HNMT: variants seen among roughly 807,000 people sequenced by gnomAD.
The protein encoded by HNMT is histamine N-methyltransferase.
In HNMT, 30 loss-of-function variants were observed where a neutral mutation model predicts 32.1. The ratio of observed to expected loss-of-function variants is 0.93; its 90% confidence interval spans 0.70 to 1.27. The LOEUF (loss-of-function observed/expected upper bound fraction) is 1.27. HNMT is among the 50% of genes most tolerant of loss of function. The probability of loss-of-function intolerance (pLI) is 0.00; values close to 1 mark genes in which losing one functional copy is unlikely to be tolerated. For synonymous variants in HNMT, 125 were observed against 119.0 expected, an observed-to-expected ratio of 1.05 and a Z score of -0.33; for missense variants, 327 against 346.0, an observed-to-expected ratio of 0.95 and a Z score of 0.43.
chr2:137,996,678 T>C (rs1411007557), intron 2 of HNMT, among the ~76,000 whole-genome samples: 2 of 152,136 alleles, frequency 1.3e-5, no homozygotes, highest in Non-Finnish European at 2.9e-5. Flanking sequence ...TTATTTTAAA[T>C]TTCATATGTA....
intron 5 of HNMT, among the ~76,000 whole-genome samples, chr2:138,012,215 G>A (rs887370580): frequency 6.6e-6 from 1 of 152,084 alleles, no homozygotes; most frequent in African/African-American, 2.4e-5. Context: ...TGTAATGCTT[G>A]TAGTTGCATT....
chr2:137,979,904 A>G (rs1161407606), intron 2 of HNMT, among the ~76,000 whole-genome samples: 1 of 152,182 alleles, frequency 6.6e-6, no homozygotes, highest in African/African-American at 2.4e-5. Context: ...TATACGAGAG[A>G]TGATGGTAAG....
At chr2:137,989,650 C>G (rs1191016849) in intron 2 of HNMT, among the ~76,000 whole-genome samples, 3 of 152,156 alleles carry the variant, frequency 2.0e-5, no homozygotes, top group Admixed American at 1.3e-4. Context: ...TAAGGTTATG[C>G]TTCGTCTTTT....
intron 1 of HNMT, among the ~76,000 whole-genome samples, chr2:137,969,432 A>G (rs571454469): frequency 6.6e-6 from 1 of 152,182 alleles, no homozygotes; most frequent in African/African-American, 2.4e-5. Context: ...TATTTTTTTT[A>G]AAAGCCCTGA....
At chr2:137,976,283 A>C (rs1332324671) in intron 2 of HNMT, among the ~76,000 whole-genome samples, 2 of 148,854 alleles carry the variant, frequency 1.3e-5, no homozygotes, top group Admixed American at 1.3e-4. Flanking sequence ...CAAAAAACAA[A>C]AAAAAAAAAA....
intron 2 of HNMT, 92 bp from the exon 3 acceptor site, chr2:138,000,825 AG>A: frequency 1.6e-6 from 1 of 615,998 alleles, no homozygotes; most frequent in Non-Finnish European, 2.8e-6. Context: ...AGGCTTTCCT[AG>A]TAAAGGTAGG....
At position 137,964,568 on chromosome 2, in the gene HNMT, C is replaced by T. The variant is rs757556522; in HGVS notation, c.77C>T (p.Ser26Phe). 6 of 1,613,548 alleles carry T rather than the reference C, an allele frequency of 3.7e-6. No homozygotes were observed. The Admixed American group carries it at 8.3e-5, about 22-fold the overall frequency. ...TCTTTCCGGAGGTTTCTCAACCATT[C>T]CACGGAACACCAGTGCATGCAGGAA... ...VESFRRFLNH[S>F]TEHQCMQEFM... is the part of the protein sequence containing the mutation. Residue 26 changes from serine to phenylalanine, a missense_variant, in exon 1 of 6, where the codon TCC becomes TTC. Physicochemically the swap from Ser to Phe is radical, Grantham distance 155. Transcript: ENST00000280097.
chr2:138,015,280 T>C lies in HNMT; in HGVS notation c.*1150T>C, dbSNP rs868268915. 1.3e-5 allele frequency: 2 copies of C among 152,074 alleles called. No individual in the cohort carries two copies. The highest frequency in any genetic ancestry group is 4.8e-5 in the African/African-American group (2 of 41,428). 9.4% of individuals were successfully genotyped at this position (152,074 alleles called of 1,614,324 possible). On this transcript the variant is annotated 3_prime_UTR_variant, in exon 6 of 6. Transcript: ENST00000280097. Reference sequence around the variant, plus strand: ...TAAATATTTTAAGTATGTAAATAATTAGTACTCCCTGTCACAAACAAAACA... The same window carrying C: ...TAAATATTTTAAGTATGTAAATAATCAGTACTCCCTGTCACAAACAAAACA...
chr2:138,013,562 C>A (rs549550700), intron 5 of HNMT, among the ~76,000 whole-genome samples: 1 of 152,254 alleles, frequency 6.6e-6, no homozygotes, highest in African/African-American at 2.4e-5. Flanking sequence ...AAGTCTTTAA[C>A]CCTCTTAGCA....
intron 2 of HNMT, among the ~76,000 whole-genome samples, chr2:137,985,589 T>C (rs889359043): frequency 6.6e-6 from 1 of 152,214 alleles, no homozygotes; most frequent in Non-Finnish European, 1.5e-5. Context: ...TATGCATTCA[T>C]GCATCCGTCT....
At chr2:137,997,411 CA>C (rs1330867030) in intron 2 of HNMT, among the ~76,000 whole-genome samples, 2 of 152,050 alleles carry the variant, frequency 1.3e-5, no homozygotes, top group African/African-American at 4.8e-5. Context: ...GGCCAACAAA[CA>C]TATGAAAAAA....
intron 2 of HNMT, among the ~76,000 whole-genome samples, chr2:137,976,027 G>C (rs1177433930): frequency 6.6e-6 from 1 of 152,146 alleles, no homozygotes; most frequent in African/African-American, 2.4e-5. Context: ...AGTACTTTGG[G>C]AGGCCAACTG....
chr2:137,984,272 T>C (rs902555827), intron 2 of HNMT, among the ~76,000 whole-genome samples: 2 of 152,246 alleles, frequency 1.3e-5, no homozygotes, highest in Non-Finnish European at 2.9e-5. Flanking sequence ...ATATATTTAA[T>C]ACGAATAAGT....
intron 5 of HNMT, 107 bp downstream of exon 5, chr2:138,005,332 C>T (rs1478888714): frequency 2.8e-6 from 2 of 706,690 alleles, no homozygotes; most frequent in African/African-American, 3.6e-5. Flanking sequence ...TTATGAAATT[C>T]TTGCCTTGGC....
In HNMT at chr2:137,968,227, T is replaced by C. The variant is rs535287043; in HGVS notation, c.138-1938T>C. Among the ~76,000 whole-genome samples the C allele has an allele frequency of 1.6e-3, 245 of 152,312 alleles. 3 individuals carry two copies. Among genetic ancestry groups the C allele is most frequent in the African/African-American group, 5.8e-3 (242 of 41,574 alleles). On this transcript the variant is annotated intron_variant, in intron 1 of 5. Transcript: ENST00000280097. ...TAAATAGTAAAGTTGGTTATTGTTG[T>C]TGCATATAAAACATTTAAATCCTTG...
chr2:137,996,526 G>A (rs1297554920), intron 2 of HNMT, among the ~76,000 whole-genome samples: 1 of 151,978 alleles, frequency 6.6e-6, no homozygotes, highest in Admixed American at 6.6e-5. Context: ...AAGAGAGGAT[G>A]CAATCAAATG....
At chr2:138,009,038 G>A (rs1681416268) in intron 5 of HNMT, among the ~76,000 whole-genome samples, 1 of 151,824 alleles carries the variant, frequency 6.6e-6, no homozygotes, top group Non-Finnish European at 1.5e-5. Flanking sequence ...TCATCTATAA[G>A]GAACTTAAAT....
At chr2:137,976,468 T>G (rs949364981) in intron 2 of HNMT, among the ~76,000 whole-genome samples, 1 of 152,180 alleles carries the variant, frequency 6.6e-6, no homozygotes, top group Non-Finnish European at 1.5e-5. Context: ...TCTTGTTTTA[T>G]GAGTCACCTT....
intron 4 of HNMT, 67 bp downstream of exon 4, chr2:138,002,261 T>C (rs1337056847): frequency 1.6e-5 from 18 of 1,122,694 alleles, no homozygotes; most frequent in Non-Finnish European, 2.0e-5. Context: ...ATAATGAATA[T>C]CTACTATTCT....
Sources: gnomAD v4.1 joint callset for allele counts (sites outside exome capture counted in the v4.1 genomes callset) on GRCh38, gnomAD v4.1.1 for gene constraint, MANE v1.5 for transcripts, NCBI Gene and HGNC (gene_info 2026-07-23, HGNC 2026-07-21) for gene names.